CDCA2: variants seen among roughly 807,000 people sequenced by gnomAD.
CDCA2 encodes the protein cell division cycle associated 2.
CDCA2 carries 44 observed loss-of-function variants against 67.0 expected under a neutral mutation model. The ratio of observed to expected loss-of-function variants is 0.66; its 90% confidence interval spans 0.52 to 0.84. The LOEUF (loss-of-function observed/expected upper bound fraction) is 0.84, where lower values mean the gene tolerates loss of function less well. Among genes scored for constraint, CDCA2 ranks in the 40% least tolerant of loss-of-function variants. The probability of loss-of-function intolerance (pLI) is 0.00; values close to 1 mark genes in which losing one functional copy is unlikely to be tolerated. For missense variants in CDCA2, 1,253 were observed against 1,203.2 expected, an observed-to-expected ratio of 1.04 and a Z score of -0.61; for synonymous variants, 447 against 418.7, an observed-to-expected ratio of 1.07 and a Z score of -0.82.
intron 6 of CDCA2, 140 bp downstream of exon 6, chr8:25,468,553 G>GTGTA: frequency 2.0e-6 from 1 of 503,794 alleles, no homozygotes. Flanking sequence ...GTGTGTGTGT[G>GTGTA]TGTGCGTGTG....
intron 14 of CDCA2, 85 bp downstream of exon 14, chr8:25,503,629 C>T: frequency 7.5e-7 from 1 of 1,329,536 alleles, no homozygotes; most frequent in Admixed American, 2.3e-5. Flanking sequence ...ACTTTTTTCC[C>T]ATTCACTATG....
intron 13 of CDCA2, among the ~76,000 whole-genome samples, chr8:25,502,365 CATT>C (rs2080094580): frequency 6.6e-6 from 1 of 152,020 alleles, no homozygotes; most frequent in Non-Finnish European, 1.5e-5. Flanking sequence ...AAACATAAAA[CATT>C]ATTTCTTGGT....
rs548043567 is a variant in CDCA2 at position 25,463,532 on chromosome 8, ATGAC to A, written c.387+1327_387+1330del. Among the ~76,000 whole-genome samples the A allele has an allele frequency of 3.9e-5, 6 of 152,316 alleles. No homozygotes were observed. In the South Asian group the frequency reaches 1.0e-3, roughly 26 times the overall value. ...ACATAATACTTGATAGTCATAATGA[ATGAC>A]TGTTCCTGGTTTATACATTTACTAT... On this transcript the variant is annotated intron_variant, in intron 4 of 14. Coordinates refer to ENST00000330560, the MANE Select transcript of CDCA2 (RefSeq NM_152562.4).
At chr8:25,497,492 T>TTA (rs1554526549) in intron 13 of CDCA2, among the ~76,000 whole-genome samples, 27 of 34,228 alleles carry the variant, frequency 7.9e-4, no homozygotes, top group African/African-American at 1.3e-3. Flanking sequence ...GTGGAATCTT[T>TTA]AAAAAATAAA....
chr8:25,487,264 C>G lies in CDCA2; in HGVS notation c.1463C>G (p.Ser488Cys). 11 of 1,611,224 alleles carry G rather than the reference C, an allele frequency of 6.8e-6. No individual in the cohort carries two copies. Among genetic ancestry groups the G allele is most frequent in the Non-Finnish European group, 6.8e-6 (8 of 1,177,998 alleles). Residue 488 changes from serine (S) to cysteine (C), a missense_variant, in exon 12 of 15, where the codon TCT becomes TGT. Physicochemically the swap from Ser to Cys is moderately radical, Grantham distance 112 (BLOSUM62 -1). Transcript: ENST00000330560. ...TTATCAGGCACTGATACCTTTAGTT[C>G]TTCAAATAACCATGAGAAAATATCC... ...ETLSGTDTFS[S>C]SNNHEKISSP...
rs1237461049 is a variant in CDCA2, at chr8:25,469,877, C to T, written c.736-19C>T. The T allele has an allele frequency of 1.3e-6, 2 of 1,538,408 alleles. No homozygotes were observed. The highest frequency in any genetic ancestry group is 3.4e-5 in the Admixed American group (2 of 59,414). On this transcript the variant is annotated intron_variant, in intron 6 of 14. Transcript: ENST00000330560. ...ACTCTAATTAATAAAATGTAATACT[C>T]TTTCAATTTTTCCCCAAGATATCAT...
chr8:25,460,335 G>A (rs771655189), intron 2 of CDCA2, 35 bp downstream of exon 2: 3 of 1,613,958 alleles, frequency 1.9e-6, no homozygotes, highest in African/African-American at 1.3e-5. Context: ...GAAGTTGAAG[G>A]TTTAGACAGA....
chr8:25,494,839 G>A (rs957725406), intron 13 of CDCA2, among the ~76,000 whole-genome samples: 1 of 151,870 alleles, frequency 6.6e-6, no homozygotes, highest in South Asian at 2.1e-4. Context: ...CTTATAAGAG[G>A]AGGAAATTCG....
chr8:25,504,313 G>A (rs1487216530), intron 14 of CDCA2, among the ~76,000 whole-genome samples: 1 of 143,770 alleles, frequency 7.0e-6, no homozygotes. Flanking sequence ...TTAATTTTTA[G>A]TAGAGATGGG....
intron 12 of CDCA2, among the ~76,000 whole-genome samples, chr8:25,488,116 A>G (rs1803852988): frequency 6.6e-6 from 1 of 152,172 alleles, no homozygotes; most frequent in African/African-American, 2.4e-5. Flanking sequence ...TTATAACATC[A>G]TAAAGTATAA....
At chr8:25,494,165 CA>C (rs1464268471) in intron 13 of CDCA2, among the ~76,000 whole-genome samples, 1 of 152,064 alleles carries the variant, frequency 6.6e-6, no homozygotes, top group Non-Finnish European at 1.5e-5. Flanking sequence ...TTGGTTGAAT[CA>C]AAAACACTCA....
intron 11 of CDCA2, 81 bp downstream of exon 11, chr8:25,485,918 A>G: frequency 1.3e-6 from 1 of 790,322 alleles, no homozygotes; most frequent in Non-Finnish European, 2.0e-6. Context: ...TCTTTTAAAA[A>G]TTTCATATTT....
At position 25,483,491 on chromosome 8, in the gene CDCA2, G is replaced by T; in HGVS notation, c.1120+5G>T. The T allele has an allele frequency of 6.3e-7, 1 of 1,596,688 alleles. No individual in the cohort carries two copies. The highest frequency in any genetic ancestry group is 1.1e-5 in the South Asian group (1 of 89,480). ...GTTGCAAAGAGAAAGAAGCAGGTAAGAAATTCATACTTGTTTTTAAGCTTG... is the reference window on the plus strand; with the variant it reads ...GTTGCAAAGAGAAAGAAGCAGGTAATAAATTCATACTTGTTTTTAAGCTTG... On this transcript the variant is annotated splice_donor_5th_base_variant and intron_variant, in intron 9 of 14. Coordinates refer to ENST00000330560, the MANE Select transcript of CDCA2 (RefSeq NM_152562.4).
chr8:25,466,360 A>C (rs369256684), intron 5 of CDCA2, 35 bp downstream of exon 5: 2 of 1,526,202 alleles, frequency 1.3e-6, no homozygotes, highest in Admixed American at 2.4e-5. Context: ...TTTGACTTCA[A>C]TATTTATAAA....
At chr8:25,487,999 CTG>C in intron 12 of CDCA2, among the ~76,000 whole-genome samples, 1 of 152,212 alleles carries the variant, frequency 6.6e-6, no homozygotes, top group East Asian at 1.9e-4. Context: ...GTGCTTCAGT[CTG>C]TTTTTTAACA....
chr8:25,482,408 T>C (rs867693037), intron 8 of CDCA2, among the ~76,000 whole-genome samples: 8 of 152,220 alleles, frequency 5.3e-5, no homozygotes, highest in African/African-American at 1.7e-4. Context: ...TCTGACACCA[T>C]ATATGGTACT....
intron 13 of CDCA2, among the ~76,000 whole-genome samples, chr8:25,500,985 AT>A (rs1192007809): frequency 1.3e-5 from 2 of 152,120 alleles, no homozygotes. Context: ...TTTGCAACTT[AT>A]CTGTGAGCCC....
Position 25,504,287 on chromosome 8 carries a change from A to AT in CDCA2, c.1843+760dup, listed in dbSNP as rs200400976. Among the ~76,000 whole-genome samples, 1,189 of 142,350 alleles carry AT rather than the reference A, an allele frequency of 8.4e-3. 9 individuals carry two copies. Among genetic ancestry groups the AT allele is most frequent in the African/African-American group, 0.02 (789 of 38,744 alleles). 93.4% of individuals were successfully genotyped at this position (142,350 alleles called of 152,430 possible). A position where few individuals can be genotyped will look rare whatever the true frequency, so the allele number is the denominator to read the frequency against. On this transcript the variant is annotated intron_variant, in intron 14 of 14. Coordinates refer to ENST00000330560, the MANE Select transcript of CDCA2 (RefSeq NM_152562.4). ...CTGAATCTTGCTGAAAATAATAATG[A>AT]TTTTTTTTTTTTTTTTTAATTTTTA...
chr8:25,503,004 G>A (rs1804533823), intron 13 of CDCA2, among the ~76,000 whole-genome samples: 1 of 152,158 alleles, frequency 6.6e-6, no homozygotes, highest in African/African-American at 2.4e-5. Context: ...GGGTCAGACT[G>A]GGCATTGTGG....
Sources: allele counts gnomAD v4.1 joint callset (sites outside exome capture counted in the v4.1 genomes callset), GRCh38; gene constraint gnomAD v4.1.1; transcripts MANE v1.5; gene names NCBI Gene and HGNC (gene_info 2026-07-23, HGNC 2026-07-21).